ANK2: variants seen among roughly 807,000 people sequenced by gnomAD.
ANK2 encodes ankyrin-2.
Under a neutral mutation model 360.5 loss-of-function variants are expected in ANK2, and 83 were observed. The observed-to-expected ratio is 0.23, with a 90% confidence interval of 0.19 to 0.28. The LOEUF (loss-of-function observed/expected upper bound fraction) is 0.28. ANK2 is among the 10% of genes least tolerant of loss of function. The pLI is 1.00. For missense variants in ANK2, 4,201 were observed against 4,795.7 expected (o/e 0.88, Z 3.66); for synonymous variants, 1,740 against 1,759.5 (o/e 0.99, Z 0.28).
At chr4:112,921,163 G>T (rs1250372964) in intron 2 of ANK2, among the ~76,000 whole-genome samples, 6 of 150,250 alleles carry the variant, frequency 4.0e-5, no homozygotes, top group Non-Finnish European at 7.4e-5. Flanking sequence ...AGTAGCTGGG[G>T]CTACAGGCGT....
At chr4:113,037,517 C>G (rs1173399647) in intron 2 of ANK2, among the ~76,000 whole-genome samples, 2 of 151,846 alleles carry the variant, frequency 1.3e-5, no homozygotes, top group African/African-American at 4.8e-5. Context: ...AACTGGCAAG[C>G]AGATACTATA....
chr4:113,295,942 C>A (rs2071157257), intron 22 of ANK2, among the ~76,000 whole-genome samples: 2 of 152,072 alleles, frequency 1.3e-5, no homozygotes, highest in African/African-American at 4.8e-5. Context: ...AGTCTTCTTA[C>A]AATAAACTTC....
the ANK2 span, among the ~76,000 whole-genome samples, chr4:112,748,890 A>G: frequency 1.3e-5 from 2 of 152,036 alleles, no homozygotes; most frequent in Non-Finnish European, 1.5e-5. Context: ...CGGACCTATG[A>G]TTTTATTTAT....
chr4:113,033,178 A>G (rs1254591431), intron 2 of ANK2, among the ~76,000 whole-genome samples: 2 of 151,580 alleles, frequency 1.3e-5, no homozygotes, highest in Admixed American at 6.6e-5. Flanking sequence ...CCAGTGTAGC[A>G]TAGGATAACA....
the ANK2 span, among the ~76,000 whole-genome samples, chr4:112,762,186 A>G: frequency 2.0e-5 from 3 of 152,232 alleles, no homozygotes; most frequent in Non-Finnish European, 4.4e-5. Flanking sequence ...TCAAAGGGCT[A>G]TTTATTTGAA....
intron 1 of ANK2, among the ~76,000 whole-genome samples, chr4:113,062,213 A>C (rs2073823639): frequency 6.6e-6 from 1 of 152,122 alleles, no homozygotes; most frequent in South Asian, 2.1e-4. Context: ...GTAGATTTTT[A>C]ACTCTCTATG....
the ANK2 span, among the ~76,000 whole-genome samples, chr4:112,757,173 C>T: frequency 2.8e-5 from 4 of 144,324 alleles, no homozygotes; most frequent in Non-Finnish European, 4.5e-5. Context: ...AGTGCAATGG[C>T]GCAATCTCGG....
chr4:112,941,798 T>G (rs1222690725), intron 2 of ANK2, among the ~76,000 whole-genome samples: 1 of 149,916 alleles, frequency 6.7e-6, no homozygotes, highest in Non-Finnish European at 1.5e-5. Context: ...TACATTTACG[T>G]GTGTATATTT....
intron 2 of ANK2, among the ~76,000 whole-genome samples, chr4:112,965,070 C>A (rs370120519): frequency 6.6e-6 from 1 of 152,136 alleles, no homozygotes; most frequent in Non-Finnish European, 1.5e-5. Context: ...TTTTGAGGAA[C>A]CTCCAAACTA....
intron 2 of ANK2, among the ~76,000 whole-genome samples, chr4:113,020,331 C>G (rs1263584961): frequency 6.6e-6 from 1 of 152,052 alleles, no homozygotes; most frequent in Non-Finnish European, 1.5e-5. Flanking sequence ...GGAGTACAGG[C>G]AAATGCTACT....
chr4:112,751,287 C>T, the ANK2 span, among the ~76,000 whole-genome samples: 1 of 152,110 alleles, frequency 6.6e-6, no homozygotes, highest in East Asian at 1.9e-4. Context: ...GCAAGCGACC[C>T]GTGAAAGAGA....
At chr4:112,744,567 C>T in the ANK2 span, among the ~76,000 whole-genome samples, 1 of 152,176 alleles carries the variant, frequency 6.6e-6, no homozygotes, top group East Asian at 1.9e-4. Context: ...CCAGGCTGGT[C>T]TCAAACTCCT....
rs786205719 is a variant in ANK2, at chr4:113,242,145, G to A, written c.827G>A (p.Arg276Lys). ...GITPLHVASK[R>K]GNTNMVKLLL... ...ACTCCTCTGCATGTGGCTTCCAAAA[G>A]AGGAAATACAAACATGGTGAAGCTC... Residue 276 changes from arginine (R) to lysine (K), a missense_variant, in exon 9 of 46, where the codon AGA becomes AAA. This residue lies in a region of ANK2 where 122 missense variants were observed against 239.3 expected (regional missense o/e 0.51). Coordinates refer to ENST00000357077, the MANE Select transcript of ANK2 (RefSeq NM_001148.6). The A allele has an allele frequency of 4.3e-6, 7 of 1,613,910 alleles. No individual in the cohort carries two copies. Among genetic ancestry groups the A allele is most frequent in the Non-Finnish European group, 5.9e-6 (7 of 1,179,956 alleles).
intron 1 of ANK2, among the ~76,000 whole-genome samples, chr4:112,868,335 C>T (rs1256832545): frequency 6.6e-6 from 1 of 152,174 alleles, no homozygotes; most frequent in East Asian, 1.9e-4. Flanking sequence ...ATAGTGTCAG[C>T]ATCTGGTGGG....
chr4:112,989,160 A>G (rs949792985), intron 2 of ANK2, among the ~76,000 whole-genome samples: 3 of 152,214 alleles, frequency 2.0e-5, no homozygotes, highest in African/African-American at 4.8e-5. Flanking sequence ...CATATTTTAA[A>G]CGAGAAAACT....
intron 1 of ANK2, among the ~76,000 whole-genome samples, chr4:112,853,207 T>C (rs2065460271): frequency 6.6e-6 from 1 of 152,186 alleles, no homozygotes; most frequent in Admixed American, 6.5e-5. Context: ...TAGCTGGGAT[T>C]ACAGGCATGC....
Position 113,341,784 on chromosome 4 carries a change from T to C in ANK2, c.3990T>C (p.Phe1330=). 6.2e-7 allele frequency: 1 copy of C among 1,614,128 alleles called. No homozygotes were observed. ...EIICVPYMAK[F]VVFAKSHDPI... is the part of the protein sequence containing the mutation. ...TCTGCGTACCTTATATGGCCAAATT[T>C]GTAGTGTTTGCCAAATCACATGACC... Residue 1330 remains phenylalanine (F), a synonymous_variant, in exon 33 of 46, where the codon TTT becomes TTC. Coordinates refer to ENST00000357077, the MANE Select transcript of ANK2 (RefSeq NM_001148.6).
At chr4:113,181,551 C>T (rs575713990) in intron 2 of ANK2, among the ~76,000 whole-genome samples, 2 of 152,230 alleles carry the variant, frequency 1.3e-5, no homozygotes, top group South Asian at 4.1e-4. Flanking sequence ...TCACAATCTA[C>T]AACCTGAGAG....
At chr4:112,859,941 T>G (rs2067450181) in intron 1 of ANK2, among the ~76,000 whole-genome samples, 1 of 152,266 alleles carries the variant, frequency 6.6e-6, no homozygotes, top group Non-Finnish European at 1.5e-5. Flanking sequence ...ACACACTAGC[T>G]GATCACTGCT....
Sources: allele counts gnomAD v4.1 joint callset (sites outside exome capture counted in the v4.1 genomes callset), GRCh38; gene constraint gnomAD v4.1.1; regional missense constraint gnomAD v4.1.1; transcripts MANE v1.5; gene names NCBI Gene and HGNC (gene_info 2026-07-23, HGNC 2026-07-21).